Variants in CD1B observed in about 807,000 individuals in gnomAD.
CD1B encodes the protein CD1b molecule.
In CD1B, 43 loss-of-function variants were observed where a neutral mutation model predicts 39.8. The observed-to-expected ratio is 1.08, with a 90% CI of 0.85 to 1.39. The LOEUF (loss-of-function observed/expected upper bound fraction) is 1.39. Among genes scored for constraint, CD1B ranks in the 40% most tolerant of loss-of-function variants. CD1B has a pLI of 0.00. For missense variants in CD1B, 495 were observed against 403.8 expected (o/e 1.23, Z -1.94); for synonymous variants, 192 against 152.5 (o/e 1.26, Z -1.91).
chr1:158,323,958 G>T (rs971691745), downstream of CD1B, among the ~76,000 whole-genome samples: 2 of 152,186 alleles, frequency 1.3e-5, no homozygotes, highest in African/African-American at 4.8e-5. Flanking sequence ...CAGAAAAATG[G>T]GTGATTGCCT....
chr1:158,311,688 G>A, the CD1B span, among the ~76,000 whole-genome samples: 1 of 152,096 alleles, frequency 6.6e-6, no homozygotes, highest in Non-Finnish European at 1.5e-5. Flanking sequence ...GTGAGATATA[G>A]GGCTCTAGTT....
At chr1:158,301,934 G>C in the CD1B span, among the ~76,000 whole-genome samples, 1,237 of 151,940 alleles carry the variant, frequency 8.1e-3, 16 homozygotes, top group Middle Eastern at 0.02. Flanking sequence ...ATCAAACATA[G>C]ATTTTTTTCT....
downstream of CD1B, among the ~76,000 whole-genome samples, chr1:158,326,722 T>A (rs1278123293): frequency 6.6e-6 from 1 of 152,128 alleles, no homozygotes; most frequent in African/African-American, 2.4e-5. Context: ...GAGTTGATAA[T>A]TTTTTCAAAA....
the CD1B span, among the ~76,000 whole-genome samples, chr1:158,319,369 A>T: frequency 2.6e-5 from 4 of 152,016 alleles, no homozygotes; most frequent in Non-Finnish European, 5.9e-5. Context: ...ATTTCTTTTT[A>T]TTCTTTTTTC....
rs2101719686 is a variant in CD1B, at chr1:158,331,494, C to T, written c.-71G>A. On this transcript the variant is annotated 5_prime_UTR_variant, in exon 1 of 6. Coordinates refer to ENST00000368168, the MANE Select transcript of CD1B (RefSeq NM_001764.3). Reference sequence around the variant, plus strand: ...CTCCAATTTCAGCAAAGCTTTTCCTCAGTACCCTGTAGTGACTTCTTCTCT... The same window carrying T: ...CTCCAATTTCAGCAAAGCTTTTCCTTAGTACCCTGTAGTGACTTCTTCTCT... The T allele has an allele frequency of 5.6e-6, 7 of 1,260,754 alleles. No individual in the cohort carries two copies. Among genetic ancestry groups the T allele is most frequent in the Non-Finnish European group, 6.9e-6 (6 of 868,092 alleles). The allele number at this position is 1,260,754 out of a possible 1,614,324, so 78.1% of individuals were successfully genotyped here. A position where few individuals can be genotyped will look rare whatever the true frequency, so the allele number is the denominator to read the frequency against.
At chr1:158,328,401 C>A (rs759665112) in intron 5 of CD1B, 144 bp from the exon 6 acceptor site, 2 of 582,280 alleles carry the variant, frequency 3.4e-6, no homozygotes, top group Non-Finnish European at 6.0e-6. Context: ...ATGTGTTATA[C>A]GCATATGGTG....
the CD1B span, among the ~76,000 whole-genome samples, chr1:158,286,912 G>A: frequency 6.6e-6 from 1 of 152,030 alleles, no homozygotes; most frequent in African/African-American, 2.4e-5. Flanking sequence ...ATTCAGGAGG[G>A]AAACTGGGCA....
chr1:158,330,908 A>G lies in CD1B; in HGVS notation c.216T>C (p.Ser72=), dbSNP rs375291026. The change falls in exon 2 of 6, where the codon TCT becomes TCC. Residue 72 remains serine (S), a synonymous_variant. Transcript: ENST00000368168. ...CCTCCTTATCACTAAAGTTACCTTT[A>G]GACCAAGGCTTCAGGAATATGGCAG... ...SGTAIFLKPW[S]KGNFSDKEVA... is the part of the protein sequence containing the mutation. 242 of 1,614,042 alleles carry G rather than the reference A, an allele frequency of 1.5e-4. No individual in the cohort carries two copies. Among genetic ancestry groups the G allele is most frequent in the Non-Finnish European group, 1.9e-4 (223 of 1,179,998 alleles).
At chr1:158,309,390 A>C in the CD1B span, among the ~76,000 whole-genome samples, 1 of 152,200 alleles carries the variant, frequency 6.6e-6, no homozygotes, top group South Asian at 2.1e-4. Flanking sequence ...GTGGGACTGT[A>C]AACTAGTTCA....
rs1652501645 is a variant in CD1B, at chr1:158,329,572, T to G, written c.684A>C (p.Gly228=). 5 of 1,614,038 alleles carry G rather than the reference T, an allele frequency of 3.1e-6. No individual in the cohort carries two copies. Among genetic ancestry groups the G allele is most frequent in the Non-Finnish European group, 3.4e-6 (4 of 1,180,016 alleles). ...TCACCCACACGGGCTTTGGGTAGAATCCTGAGACATGGCACACAAGCTGCA... is the reference window on the plus strand; with the variant it reads ...TCACCCACACGGGCTTTGGGTAGAAGCCTGAGACATGGCACACAAGCTGCA... ...GRLQLVCHVS[G]FYPKPVWVMW... is the part of the protein sequence containing the mutation. Residue 228 remains glycine (G), a synonymous_variant, in exon 4 of 6, where the codon GGA becomes GGC. Coordinates refer to ENST00000368168, the MANE Select transcript of CD1B (RefSeq NM_001764.3).
the CD1B span, among the ~76,000 whole-genome samples, chr1:158,318,010 G>T: frequency 1.3e-5 from 2 of 152,164 alleles, no homozygotes; most frequent in South Asian, 4.1e-4. Context: ...TAATTTGATT[G>T]CACTGTGGTC....
the CD1B span, chr1:158,293,564 C>A: frequency 1.2e-6 from 2 of 1,613,840 alleles, no homozygotes; most frequent in Non-Finnish European, 1.7e-6. Context: ...CGTCGACTCT[C>A]CATTTAAATT....
the CD1B span, chr1:158,292,987 G>A: frequency 2.7e-5 from 29 of 1,079,868 alleles, no homozygotes; most frequent in South Asian, 4.5e-4. Context: ...GAAATGTATA[G>A]GGTAATTTAA....
At chr1:158,320,931 A>C in the CD1B span, among the ~76,000 whole-genome samples, 2 of 152,182 alleles carry the variant, frequency 1.3e-5, no homozygotes, top group Non-Finnish European at 2.9e-5. Flanking sequence ...TTAACATAAG[A>C]TATATCCTGG....
chr1:158,319,742 C>G, the CD1B span, among the ~76,000 whole-genome samples: 3 of 152,188 alleles, frequency 2.0e-5, no homozygotes, highest in African/African-American at 7.2e-5. Flanking sequence ...AGGCGCTCTG[C>G]TTTTTAGAGT....
the CD1B span, among the ~76,000 whole-genome samples, chr1:158,310,975 G>A: frequency 0.015 from 2,216 of 152,148 alleles, 54 homozygotes; most frequent in African/African-American, 0.048. Context: ...CCTGTGTGAC[G>A]AAACATTCTG....
chr1:158,293,269 T>C, the CD1B span: 1 of 1,614,154 alleles, frequency 6.2e-7, no homozygotes, highest in Non-Finnish European at 8.5e-7. Context: ...TTGGTGATTC[T>C]AATAGTCCTT....
the CD1B span, among the ~76,000 whole-genome samples, chr1:158,296,879 A>C: frequency 6.6e-6 from 1 of 152,180 alleles, no homozygotes; most frequent in African/African-American, 2.4e-5. Context: ...CTTCTAATTA[A>C]CTCAGTCACA....
At chr1:158,312,301 A>G in the CD1B span, among the ~76,000 whole-genome samples, 1 of 152,126 alleles carries the variant, frequency 6.6e-6, no homozygotes, top group Non-Finnish European at 1.5e-5. Context: ...TGATAGTTTT[A>G]AAAACAGTAG....
Sources: gnomAD v4.1 joint callset for allele counts (sites outside exome capture counted in the v4.1 genomes callset) on GRCh38, gnomAD v4.1.1 for gene constraint, MANE v1.5 for transcripts, NCBI Gene and HGNC (gene_info 2026-07-23, HGNC 2026-07-21) for gene names.